KMT2C: variants seen among roughly 807,000 people sequenced by gnomAD.
KMT2C encodes the protein histone-lysine N-methyltransferase 2C.
In KMT2C, 88 loss-of-function variants were observed where a neutral mutation model predicts 507.9. The observed-to-expected ratio is 0.17, with a 90% CI of 0.15 to 0.21. The LOEUF is 0.21. Ranked by LOEUF, KMT2C falls within the 10% of genes least tolerant of loss-of-function variation. The pLI, the probability that KMT2C is intolerant of heterozygous loss-of-function variation, is 1.00. For synonymous variants in KMT2C, 2,049 were observed against 2,080.8 expected (o/e 0.98, Z 0.42); for missense variants, 4,954 against 5,957.8 (o/e 0.83, Z 5.55).
chr7:152,233,922 G>T (rs2095199493), intron 16 of KMT2C, among the ~76,000 whole-genome samples: 1 of 152,156 alleles, frequency 6.6e-6, no homozygotes, highest in South Asian at 2.1e-4. Context: ...ATCATCTGAG[G>T]CCAGGAGTTC....
chr7:152,356,225 G>T (rs1343883703), intron 2 of KMT2C, among the ~76,000 whole-genome samples: 1 of 152,152 alleles, frequency 6.6e-6, no homozygotes, highest in African/African-American at 2.4e-5. Flanking sequence ...AATCAAAAAT[G>T]AGAAGGGGTG....
intron 3 of KMT2C, among the ~76,000 whole-genome samples, chr7:152,327,005 C>T (rs1037330910): frequency 1.3e-5 from 2 of 152,158 alleles, no homozygotes; most frequent in Non-Finnish European, 2.9e-5. Context: ...GGAATAAACA[C>T]CAAGTCTGTA....
chr7:152,336,128 A>C (rs1563909199), intron 2 of KMT2C, among the ~76,000 whole-genome samples: 2 of 152,104 alleles, frequency 1.3e-5, no homozygotes, highest in Non-Finnish European at 1.5e-5. Flanking sequence ...TTGTTGTTTC[A>C]GTCTTGTGTT....
Position 152,177,437 on chromosome 7 carries a change from A to C in KMT2C, c.8016T>G (p.Ser2672=), listed in dbSNP as rs768954997. The C allele has an allele frequency of 3.7e-6, 6 of 1,614,170 alleles. No homozygotes were observed. In the Admixed American group the frequency reaches 1.0e-4, roughly 27 times the overall value. The stretch of plus-strand genomic sequence containing the variant: ...GCTGGGTGGTTATCTGTAAATTATC[A>C]GACGTTGTTTCAGACGGTACAGATG... ...LSTSVPSETT[S]DNLQITTQPS... Residue 2672 remains serine, a synonymous_variant, in exon 38 of 59, where the codon TCT becomes TCG. Transcript: ENST00000262189.
intron 2 of KMT2C, among the ~76,000 whole-genome samples, chr7:152,332,043 T>C (rs948537731): frequency 6.6e-6 from 1 of 152,164 alleles, no homozygotes; most frequent in Non-Finnish European, 1.5e-5. Context: ...CTTTATAAAA[T>C]CATCATTAAA....
At chr7:152,397,311 C>T (rs2097543470) in intron 1 of KMT2C, among the ~76,000 whole-genome samples, 1 of 152,022 alleles carries the variant, frequency 6.6e-6, no homozygotes, top group Admixed American at 6.6e-5. Flanking sequence ...TTCTCTCCTG[C>T]CTCAGCCTCC....
chr7:152,227,971 A>G (rs2094986087), intron 18 of KMT2C, among the ~76,000 whole-genome samples: 1 of 152,224 alleles, frequency 6.6e-6, no homozygotes, highest in Admixed American at 6.5e-5. Context: ...TAATGCTAGG[A>G]CCGCAGCTAC....
intron 3 of KMT2C, among the ~76,000 whole-genome samples, chr7:152,321,472 A>C (rs960313994): frequency 7.2e-5 from 11 of 151,844 alleles, no homozygotes; most frequent in African/African-American, 2.2e-4. Context: ...GAAAGGAAGA[A>C]GTGAAACTGT....
intron 16 of KMT2C, among the ~76,000 whole-genome samples, chr7:152,231,036 C>T (rs1413078883): frequency 6.6e-6 from 1 of 152,268 alleles, no homozygotes; most frequent in East Asian, 1.9e-4. Flanking sequence ...AGGCTGGTCT[C>T]TAACTCCTGA....
intron 9 of KMT2C, among the ~76,000 whole-genome samples, chr7:152,256,263 C>T (rs887598945): frequency 6.8e-6 from 1 of 147,168 alleles, no homozygotes; most frequent in African/African-American, 2.5e-5. Context: ...GAATATGACT[C>T]AAAAATCCAG....
chr7:152,277,839 A>G (rs1267813254), intron 6 of KMT2C, among the ~76,000 whole-genome samples: 1 of 152,200 alleles, frequency 6.6e-6, no homozygotes, highest in East Asian at 1.9e-4. Flanking sequence ...CTGTTAAGCT[A>G]ACATTCAAGT....
chr7:152,337,655 C>T, intron 2 of KMT2C, among the ~76,000 whole-genome samples: 1 of 152,148 alleles, frequency 6.6e-6, no homozygotes, highest in East Asian at 1.9e-4. Flanking sequence ...CTCAATTTTA[C>T]TTTGCTCGTC....
intron 1 of KMT2C, among the ~76,000 whole-genome samples, chr7:152,364,797 CCTAA>C (rs1277683778): frequency 2.0e-5 from 3 of 151,976 alleles, no homozygotes; most frequent in African/African-American, 4.8e-5. Flanking sequence ...TAGCAACCTA[CCTAA>C]CTAATATGTG....
chr7:152,183,852 C>T (rs1270313065), intron 34 of KMT2C, among the ~76,000 whole-genome samples: 5 of 151,722 alleles, frequency 3.3e-5, no homozygotes, highest in Admixed American at 2.6e-4. Context: ...GCCAAGATTG[C>T]GCCATTGCAC....
At chr7:152,307,197 G>A (rs1336550039) in intron 6 of KMT2C, among the ~76,000 whole-genome samples, 1 of 27,194 alleles carries the variant, frequency 3.7e-5, no homozygotes, top group Non-Finnish European at 8.0e-5. Context: ...AGAAGAGGGA[G>A]GAAGGAAGGA....
At chr7:152,381,146 C>T (rs1309194107) in intron 1 of KMT2C, among the ~76,000 whole-genome samples, 1 of 152,146 alleles carries the variant, frequency 6.6e-6, no homozygotes, top group Non-Finnish European at 1.5e-5. Flanking sequence ...TTTTAATTCA[C>T]AATGAAAATC....
At chr7:152,396,791 G>C (rs2097540624) in intron 1 of KMT2C, among the ~76,000 whole-genome samples, 1 of 152,122 alleles carries the variant, frequency 6.6e-6, no homozygotes, top group Non-Finnish European at 1.5e-5. Context: ...ACTCTGTTGG[G>C]GGAATCCAAG....
chr7:152,336,544 C>T (rs898910966), intron 2 of KMT2C, among the ~76,000 whole-genome samples: 4 of 152,134 alleles, frequency 2.6e-5, no homozygotes, highest in Admixed American at 2.6e-4. Context: ...ACTTAATTAT[C>T]TCCAGTTTAT....
At chr7:152,218,273 T>TC (rs1393139770) in intron 23 of KMT2C, among the ~76,000 whole-genome samples, 1 of 152,078 alleles carries the variant, frequency 6.6e-6, no homozygotes, top group Non-Finnish European at 1.5e-5. Flanking sequence ...CAAGCAATCC[T>TC]CTGCCTCTGC....
Sources: allele counts gnomAD v4.1 joint callset (sites outside exome capture counted in the v4.1 genomes callset), GRCh38; gene constraint gnomAD v4.1.1; transcripts MANE v1.5; gene names NCBI Gene and HGNC (gene_info 2026-07-23, HGNC 2026-07-21).